Variants in DNHD1 observed in about 807,000 individuals in gnomAD.
The protein encoded by DNHD1 is dynein heavy chain domain-containing protein 1.
Under a neutral mutation model 458.1 loss-of-function variants are expected in DNHD1, and 383 were observed. The ratio of observed to expected loss-of-function variants is 0.84; its 90% CI spans 0.77 to 0.91. The LOEUF (loss-of-function observed/expected upper bound fraction) is 0.91, where lower values mean the gene tolerates loss of function less well. Ranked by LOEUF, DNHD1 falls within the 40% of genes least tolerant of loss-of-function variation. The pLI is 0.00. For synonymous variants in DNHD1, 2,203 were observed against 2,376.9 expected, an observed-to-expected ratio of 0.93 and a Z score of 2.13; for missense variants, 5,336 against 5,866.1, an observed-to-expected ratio of 0.91 and a Z score of 2.95.
chr11:6,571,347 C>T lies in DNHD1; in HGVS notation c.13835C>T (p.Pro4612Leu). 1 of 1,612,440 alleles carries T rather than the reference C, an allele frequency of 6.2e-7. No homozygotes were observed. Among genetic ancestry groups the T allele is most frequent in the Admixed American group, 1.7e-5 (1 of 59,906 alleles). ...LDQNVPSSNF[P>L]GSRGSVSSQL... is the part of the protein sequence containing the mutation. ...CAGAATGTGCCCAGCTCGAATTTCC[C>T]TGGTAGCCGAGGCTCGGTCTCCAGT... is the stretch of plus-strand genomic sequence containing the variant. Residue 4612 changes from proline to leucine, a missense_variant, in exon 42 of 43, where the codon CCT (proline) becomes CTT (leucine). Pro to Leu is a moderately conservative substitution (Grantham distance 98, BLOSUM62 -3). This residue lies in a region of DNHD1 where 698 missense variants were observed against 664.9 expected (regional missense o/e 1.05). Transcript: ENST00000254579. The surrounding 1 kb of genome is among the most constrained non-coding windows in gnomAD (Gnocchi z 5.0).
chr11:6,558,379 G>T (rs992385945), intron 25 of DNHD1, 82 bp downstream of exon 25: 3 of 1,532,330 alleles, frequency 2.0e-6, no homozygotes, highest in African/African-American at 2.7e-5. Context: ...TCTGTGGGCT[G>T]CCATGAGGGC....
Position 6,545,992 on chromosome 11 carries a change from G to A in DNHD1, c.5053G>A (p.Val1685Ile), listed in dbSNP as rs945729751. The change falls in exon 21 of 43, where the codon GTA (valine) becomes ATA (isoleucine). Residue 1685 changes from valine (V) to isoleucine (I), a missense_variant. Physicochemically the swap from Val to Ile is conservative, Grantham distance 29 (BLOSUM62 3). Coordinates refer to ENST00000254579, the MANE Select transcript of DNHD1 (RefSeq NM_144666.3). This position sits in a 1 kb window ranked among gnomAD's most constrained non-coding sequence, Gnocchi z 4.9. ...LALEEVACGT[V>I]LGPNGVGKRA... ...CCTAGAGGAGGTGGCCTGTGGGACC[G>A]TACTGGGTCCTAATGGTGTGGGCAA... The A allele has an allele frequency of 1.9e-5, 30 of 1,551,648 alleles. No individual in the cohort carries two copies. In the African/African-American group the frequency reaches 3.0e-4, roughly 16 times the overall value.
chr11:6,559,327 G>A (rs1853536340), intron 28 of DNHD1, 44 bp downstream of exon 28: 1 of 1,497,850 alleles, frequency 6.7e-7, no homozygotes, highest in African/African-American at 1.4e-5. Context: ...GTCAAAGCAG[G>A]AGCCCAAAGG....
Position 6,557,171 on chromosome 11 carries a change from G to A in DNHD1, c.7876G>A (p.Val2626Met). The A allele has an allele frequency of 1.3e-6, 2 of 1,551,754 alleles. No individual in the cohort carries two copies. ...CAACCACCAGGAGCACTTGCGCCGG[G>A]TGTCAGGCCTGCGAGGCACTTGTCT... ...YPNHQEHLRR[V>M]SGLRGTCLTV... is the part of the protein sequence containing the mutation. Residue 2626 changes from valine to methionine, a missense_variant, in exon 25 of 43, where the codon GTG becomes ATG. Transcript: ENST00000254579.
intron 18 of DNHD1, among the ~76,000 whole-genome samples, chr11:6,543,273 C>A (rs1853136602): frequency 6.6e-6 from 1 of 152,084 alleles, no homozygotes; most frequent in Admixed American, 6.5e-5. Flanking sequence ...AATTAGTGTC[C>A]CTACCTCATT....
At chr11:6,518,328 C>T (rs898060588) in intron 7 of DNHD1, among the ~76,000 whole-genome samples, 2 of 152,198 alleles carry the variant, frequency 1.3e-5, no homozygotes, top group African/African-American at 4.8e-5. Context: ...TTCCAAAGTG[C>T]TGGGATTACA....
chr11:6,549,551 G>A (rs1853292701), intron 24 of DNHD1, among the ~76,000 whole-genome samples: 1 of 152,176 alleles, frequency 6.6e-6, no homozygotes, highest in Non-Finnish European at 1.5e-5. Context: ...CCCTGGGATT[G>A]CTGTCCTCTC....
chr11:6,563,365 T>A lies in DNHD1; in HGVS notation c.9670-17T>A. Reference sequence around the variant, plus strand: ...CATCTCAGGAGCTCACTTCAGAGGGTATCTCTCCTCATTTAGATGAGCAAG... The same window carrying A: ...CATCTCAGGAGCTCACTTCAGAGGGAATCTCTCCTCATTTAGATGAGCAAG... On this transcript the variant is annotated splice_polypyrimidine_tract_variant and intron_variant, in intron 29 of 42. Coordinates refer to ENST00000254579, the MANE Select transcript of DNHD1 (RefSeq NM_144666.3). 2.6e-6 allele frequency: 4 copies of A among 1,551,100 alleles called. No homozygotes were observed. In the South Asian group the frequency reaches 4.8e-5, roughly 18 times the overall value.
chr11:6,533,388 G>A (rs1169846371), intron 13 of DNHD1, among the ~76,000 whole-genome samples: 1 of 152,234 alleles, frequency 6.6e-6, no homozygotes, highest in Non-Finnish European at 1.5e-5. Flanking sequence ...GCCCTGGTGT[G>A]ATGAGAGAGT....
intron 18 of DNHD1, among the ~76,000 whole-genome samples, chr11:6,541,019 T>G (rs534188740): frequency 3.3e-5 from 5 of 152,350 alleles, no homozygotes; most frequent in Non-Finnish European, 7.3e-5. Flanking sequence ...GCTTTCACTT[T>G]CTGCAAAGTT....
At chr11:6,527,191 A>AT (rs979782030) in intron 10 of DNHD1, among the ~76,000 whole-genome samples, 18 of 152,124 alleles carry the variant, frequency 1.2e-4, no homozygotes, top group African/African-American at 3.9e-4. Flanking sequence ...CCCTTCTGGC[A>AT]TTTTTTTTAA....
Position 6,502,937 on chromosome 11 carries a change from A to G in DNHD1, c.920+11A>G. On this transcript the variant is annotated intron_variant, in intron 4 of 42. Coordinates refer to ENST00000254579, the MANE Select transcript of DNHD1 (RefSeq NM_144666.3). ...CAGCCGGTACTTTAGGTGATAGCCT[A>G]TGTCCAGGCCCCTTCTCCTCCCCCT... 6.2e-7 allele frequency: 1 copy of G among 1,612,728 alleles called. No homozygotes were observed. The highest frequency in any genetic ancestry group is 1.7e-5 in the Admixed American group (1 of 59,764).
Position 6,505,823 on chromosome 11 carries a change from G to T in DNHD1, c.920+2897G>T, listed in dbSNP as rs972086468. 6.6e-6 allele frequency among the ~76,000 whole-genome samples: 1 copy of T among 152,220 alleles called. No individual in the cohort carries two copies. Among genetic ancestry groups the T allele is most frequent in the Non-Finnish European group, 1.5e-5 (1 of 68,042 alleles). ...ATTAATTAAATTATCACTTGTGGTT[G>T]AATGTGATACTGACACCTAGTGGCT... On this transcript the variant is annotated intron_variant, in intron 4 of 42. Coordinates refer to ENST00000254579, the MANE Select transcript of DNHD1 (RefSeq NM_144666.3). This position sits in a 1 kb window ranked among gnomAD's most constrained non-coding sequence, Gnocchi z 4.4.
intron 18 of DNHD1, 131 bp downstream of exon 18, chr11:6,540,214 T>C: frequency 9.3e-6 from 7 of 752,308 alleles, no homozygotes; most frequent in Non-Finnish European, 1.5e-5. Context: ...CCTAAGACAT[T>C]AGTCTGTTCT....
chr11:6,528,514 T>C lies in DNHD1; in HGVS notation c.1838-8T>C. 7 of 1,547,084 alleles carry C rather than the reference T, an allele frequency of 4.5e-6. No individual in the cohort carries two copies. Among genetic ancestry groups the C allele is most frequent in the Non-Finnish European group, 6.1e-6 (7 of 1,143,486 alleles). On this transcript the variant is annotated splice_polypyrimidine_tract_variant and splice_region_variant and intron_variant, in intron 10 of 42. Transcript: ENST00000254579. ...ACTCACGGACAATTATGGCCTGTGC[T>C]CCACTAGAAGAAGATGAAGAGGAGG...
chr11:6,559,391 C>T, intron 28 of DNHD1, 108 bp downstream of exon 28: 2 of 935,926 alleles, frequency 2.1e-6, no homozygotes, highest in Non-Finnish European at 3.2e-6. Flanking sequence ...CCCTAAGCTT[C>T]CCCTTTCCCT....
chr11:6,551,881 C>A (rs1022236645), intron 24 of DNHD1, among the ~76,000 whole-genome samples: 1 of 133,596 alleles, frequency 7.5e-6, no homozygotes, highest in Non-Finnish European at 1.6e-5. Context: ...GTGGAAGTTG[C>A]GGTGAGCTGA....
rs1852282804 is a variant in DNHD1 at position 6,509,017 on chromosome 11, T to C, written c.1058T>C (p.Val353Ala). ...MTLGTWHHHC[V>A]LWQQLQFIPF... ...CTGGGTACCTGGCACCATCACTGTG[T>C]TCTCTGGCAGCAGCTCCAGTTCATT... The change falls in exon 5 of 43, where the codon GTT becomes GCT. Residue 353 changes from valine to alanine, a missense_variant. Transcript: ENST00000254579. 6.2e-7 allele frequency: 1 copy of C among 1,614,132 alleles called. No individual in the cohort carries two copies. Among genetic ancestry groups the C allele is most frequent in the Admixed American group, 1.7e-5 (1 of 60,010 alleles).
chr11:6,545,715 G>A lies in DNHD1; in HGVS notation c.4776G>A (p.Gln1592=). The change falls in exon 21 of 43, where the codon CAG becomes CAA. Residue 1592 remains glutamine, a synonymous_variant. Transcript: ENST00000254579. The surrounding 1 kb of genome is among the most constrained non-coding windows in gnomAD (Gnocchi z 4.9). ...TAGCACAGCTGCTGGAACAGCACCA[G>A]GTCAGTGATCTCACAGACTTTCACT... The part of the protein sequence containing the change: ...RDIAQLLEQH[Q]VSDLTDFHWV... 1 of 1,551,700 alleles carries A rather than the reference G, an allele frequency of 6.4e-7. No homozygotes were observed. Among genetic ancestry groups the A allele is most frequent in the Non-Finnish European group, 8.7e-7 (1 of 1,146,996 alleles).
Sources: gnomAD v4.1 joint callset for allele counts (sites outside exome capture counted in the v4.1 genomes callset) on GRCh38, gnomAD v4.1.1 for gene constraint, gnomAD v4.1.1 regional missense constraint, Gnocchi (gnomAD v3.1) non-coding constraint, MANE v1.5 for transcripts, NCBI Gene and HGNC (gene_info 2026-07-23, HGNC 2026-07-21) for gene names.